The following RPS6KA5 variants were observed in gnomAD, a reference collection of about 807,000 sequenced individuals.
The protein encoded by RPS6KA5 is ribosomal protein S6 kinase alpha-5.
RPS6KA5 carries 27 observed loss-of-function variants against 85.5 expected under a neutral mutation model. The ratio of observed to expected loss-of-function variants is 0.32; its 90% CI spans 0.23 to 0.44. RPS6KA5 has a LOEUF of 0.44. Among genes scored for constraint, RPS6KA5 ranks in the 20% least tolerant of loss-of-function variants. RPS6KA5 has a pLI of 1.00. For synonymous variants in RPS6KA5, 334 were observed against 348.2 expected (o/e 0.96, Z 0.46); for missense variants, 811 against 980.9 (o/e 0.83, Z 2.31).
At chr14:91,026,374 C>G (rs1181798184) in intron 1 of RPS6KA5, among the ~76,000 whole-genome samples, 10 of 152,028 alleles carry the variant, frequency 6.6e-5, no homozygotes, top group Admixed American at 6.6e-4. Flanking sequence ...GGGGCAATGG[C>G]TGTATACCAC....
At chr14:90,992,495 GAA>G (rs2040352507) in intron 2 of RPS6KA5, among the ~76,000 whole-genome samples, 1 of 152,176 alleles carries the variant, frequency 6.6e-6, no homozygotes, top group Non-Finnish European at 1.5e-5. Flanking sequence ...TCAATGTGTT[GAA>G]AGAAAATACA....
At chr14:91,004,881 T>C (rs2040946157) in intron 1 of RPS6KA5, among the ~76,000 whole-genome samples, 2 of 151,374 alleles carry the variant, frequency 1.3e-5, no homozygotes. Context: ...GGCAGGAGAA[T>C]GGCCTGAACC....
chr14:90,927,256 C>A lies in RPS6KA5; in HGVS notation c.619-4060G>T, dbSNP rs141656601. 6.6e-5 allele frequency among the ~76,000 whole-genome samples: 10 copies of A among 151,780 alleles called. No individual in the cohort carries two copies. The East Asian group carries it at 1.6e-3, about 24-fold the overall frequency. On this transcript the variant is annotated intron_variant, in intron 5 of 16. Transcript: ENST00000614987. ...TATACATGACTTCCAGACCATTAGGCGGACATGAAATCAAAAGATCTTAAT... is the reference window on the plus strand; with the variant it reads ...TATACATGACTTCCAGACCATTAGGAGGACATGAAATCAAAAGATCTTAAT...
intron 1 of RPS6KA5, among the ~76,000 whole-genome samples, chr14:91,053,204 A>G (rs1029931221): frequency 5.9e-5 from 9 of 152,190 alleles, no homozygotes; most frequent in African/African-American, 1.7e-4. Flanking sequence ...GAGAAGTGAA[A>G]TTCTTCAATT....
intron 2 of RPS6KA5, among the ~76,000 whole-genome samples, chr14:90,982,385 C>T (rs1413342673): frequency 6.6e-6 from 1 of 151,868 alleles, no homozygotes; most frequent in Admixed American, 6.6e-5. Context: ...TCACTTGAGG[C>T]TAGAAGTTTG....
chr14:90,959,830 A>C (rs1038396427), intron 3 of RPS6KA5, among the ~76,000 whole-genome samples: 1 of 152,212 alleles, frequency 6.6e-6, no homozygotes, highest in Admixed American at 6.5e-5. Flanking sequence ...TTTGCCAAGG[A>C]GTTGTTAGCC....
intron 1 of RPS6KA5, among the ~76,000 whole-genome samples, chr14:91,007,347 T>C (rs1334320935): frequency 1.3e-5 from 2 of 152,232 alleles, no homozygotes; most frequent in African/African-American, 4.8e-5. Context: ...AGTACGACCA[T>C]ATCAGTTATT....
At chr14:90,948,694 CA>C (rs1189050107) in intron 3 of RPS6KA5, among the ~76,000 whole-genome samples, 34 of 124,878 alleles carry the variant, frequency 2.7e-4, no homozygotes, top group Admixed American at 3.3e-4. Context: ...GACTCTGTCT[CA>C]AAAAAAAAAA....
At chr14:90,965,501 C>T (rs1197437485) in intron 3 of RPS6KA5, among the ~76,000 whole-genome samples, 1 of 152,178 alleles carries the variant, frequency 6.6e-6, no homozygotes, top group Non-Finnish European at 1.5e-5. Context: ...CTTGTAGCAA[C>T]TGGACCTGAT....
At chr14:91,012,511 G>C (rs1418206782) in intron 1 of RPS6KA5, among the ~76,000 whole-genome samples, 1 of 152,052 alleles carries the variant, frequency 6.6e-6, no homozygotes, top group African/African-American at 2.4e-5. Context: ...GTTACATTGG[G>C]CTTACCAGCC....
intron 5 of RPS6KA5, among the ~76,000 whole-genome samples, chr14:90,939,472 T>C (rs1188287681): frequency 6.6e-6 from 1 of 152,190 alleles, no homozygotes; most frequent in Non-Finnish European, 1.5e-5. Context: ...TCTGTTTTCA[T>C]ACTGCTGATA....
intron 1 of RPS6KA5, among the ~76,000 whole-genome samples, chr14:91,045,755 TCTC>T (rs950180155): frequency 5.3e-5 from 8 of 152,170 alleles, no homozygotes; most frequent in Non-Finnish European, 1.0e-4. Context: ...GCAAAACTAA[TCTC>T]ATCATTCTTC....
At chr14:90,987,700 C>CA (rs1555373106) in intron 2 of RPS6KA5, among the ~76,000 whole-genome samples, 3,557 of 151,574 alleles carry the variant, frequency 0.023, 52 homozygotes, top group Middle Eastern at 0.096. Flanking sequence ...CAGCAGCAGC[C>CA]ACAACAACAA....
chr14:90,933,437 C>T (rs1224863564), intron 5 of RPS6KA5, among the ~76,000 whole-genome samples: 1 of 152,198 alleles, frequency 6.6e-6, no homozygotes, highest in East Asian at 1.9e-4. Flanking sequence ...TGGGGCCACA[C>T]TAGATTTCTT....
At chr14:90,987,541 A>G (rs1263945019) in intron 2 of RPS6KA5, among the ~76,000 whole-genome samples, 1 of 152,232 alleles carries the variant, frequency 6.6e-6, no homozygotes, top group Non-Finnish European at 1.5e-5. Context: ...ATATTCATAG[A>G]GTCTGGGACC....
At chr14:91,043,032 G>A (rs565582570) in intron 1 of RPS6KA5, among the ~76,000 whole-genome samples, 2 of 151,982 alleles carry the variant, frequency 1.3e-5, no homozygotes, top group Admixed American at 6.6e-5. Flanking sequence ...ATTCCAATCC[G>A]GCTTCTCCCA....
chr14:90,882,381 C>T (rs150661451), intron 14 of RPS6KA5, among the ~76,000 whole-genome samples: 47 of 152,300 alleles, frequency 3.1e-4, no homozygotes, highest in African/African-American at 1.0e-3. Flanking sequence ...TCTTATGTCA[C>T]GCAGAAAACA....
rs770819187 is a variant in RPS6KA5, at chr14:90,870,284, C to T, written c.*1790G>A. 1 of 151,950 alleles carries T rather than the reference C, an allele frequency of 6.6e-6. No individual in the cohort carries two copies. The highest frequency in any genetic ancestry group is 2.1e-4 in the South Asian group (1 of 4,820). The allele number at this position is 151,950 out of a possible 1,614,324, so 9.4% of individuals were successfully genotyped here. A position where few individuals can be genotyped will look rare whatever the true frequency, so the allele number is the denominator to read the frequency against. On this transcript the variant is annotated 3_prime_UTR_variant, in exon 17 of 17. Coordinates refer to ENST00000614987, the MANE Select transcript of RPS6KA5 (RefSeq NM_004755.4). ...GATGGAATCACATTTTGTGAATTAG[C>T]AATAGTTTGGTAATAATTCACACAA...
intron 1 of RPS6KA5, among the ~76,000 whole-genome samples, chr14:91,017,975 T>G (rs1288829725): frequency 6.6e-6 from 1 of 152,218 alleles, no homozygotes; most frequent in Middle Eastern, 3.2e-3. Context: ...AGAGTATGCT[T>G]AAAATACAGG....
Sources: gnomAD v4.1 joint callset for allele counts (sites outside exome capture counted in the v4.1 genomes callset) on GRCh38, gnomAD v4.1.1 for gene constraint, MANE v1.5 for transcripts, NCBI Gene and HGNC (gene_info 2026-07-23, HGNC 2026-07-21) for gene names.